Variants in LMBR1 observed in about 807,000 individuals in gnomAD.
LMBR1 encodes the protein limb development membrane protein 1, also known as limb region 1 protein homolog.
LMBR1 carries 52 observed loss-of-function variants against 73.9 expected under a neutral mutation model. That is an observed-to-expected ratio of 0.70 (90% CI 0.56 to 0.89). The LOEUF (loss-of-function observed/expected upper bound fraction) is 0.89. Among genes scored for constraint, LMBR1 ranks in the 40% least tolerant of loss-of-function variants. The pLI, the probability that LMBR1 is intolerant of heterozygous loss-of-function variation, is 0.00. For synonymous variants in LMBR1, 215 were observed against 209.4 expected (o/e 1.03, Z -0.23); for missense variants, 539 against 579.8 (o/e 0.93, Z 0.72).
intron 15 of LMBR1, among the ~76,000 whole-genome samples, chr7:156,690,346 T>C (rs753982524): frequency 6.6e-6 from 1 of 152,222 alleles, no homozygotes; most frequent in African/African-American, 2.4e-5. Flanking sequence ...ACTTACTTTA[T>C]GAATGCAAGG....
chr7:156,813,040 T>A (rs951167960), intron 4 of LMBR1, among the ~76,000 whole-genome samples: 16 of 152,216 alleles, frequency 1.1e-4, no homozygotes, highest in Admixed American at 9.8e-4. Context: ...TCCACCTTAC[T>A]CCACCTTAGC....
intron 1 of LMBR1, among the ~76,000 whole-genome samples, chr7:156,890,541 T>C (rs1413034132): frequency 1.3e-5 from 2 of 152,142 alleles, no homozygotes; most frequent in Non-Finnish European, 2.9e-5. Flanking sequence ...GGGAAAAAAA[T>C]TTGACCCTTC....
In LMBR1 at chr7:156,868,075, G is replaced by A. The variant is rs1436318297; in HGVS notation, c.66+24853C>T. Among the ~76,000 whole-genome samples the A allele has an allele frequency of 9.9e-5, 15 of 152,018 alleles. 1 individual carries two copies. The highest frequency in any genetic ancestry group is 5.9e-5 in the Non-Finnish European group (4 of 68,012). On this transcript the variant is annotated intron_variant, in intron 1 of 16. Coordinates refer to ENST00000353442, the MANE Select transcript of LMBR1 (RefSeq NM_022458.4). The stretch of plus-strand genomic sequence containing the variant: ...AAGTTTTAAAAATGAACCAAGGACT[G>A]TGATTAATGCAATTCTGTGCACCTT...
intron 5 of LMBR1, among the ~76,000 whole-genome samples, chr7:156,779,137 C>G (rs1033129801): frequency 2.6e-5 from 4 of 152,180 alleles, no homozygotes; most frequent in African/African-American, 9.7e-5. Context: ...AATAACTGTA[C>G]TTCCTTCACC....
At chr7:156,870,758 A>C (rs77634122) in intron 1 of LMBR1, among the ~76,000 whole-genome samples, 1 of 148,496 alleles carries the variant, frequency 6.7e-6, no homozygotes, top group South Asian at 2.1e-4. Context: ...CTCTGTCACA[A>C]AAAAAAAAAA....
chr7:156,710,825 A>G (rs907142596), intron 15 of LMBR1, among the ~76,000 whole-genome samples: 3 of 152,240 alleles, frequency 2.0e-5, no homozygotes, highest in African/African-American at 7.2e-5. Context: ...TAAATTTTTC[A>G]GCAGAAACCT....
In LMBR1 at chr7:156,728,016, C is replaced by A. The variant is rs1816109005; in HGVS notation, c.916-9G>T. Reference sequence around the variant, plus strand: ...AAGAGGACCGAGATGGACTACAAGACAAACAGCAAACTGTCAGCTCTCAAG... The same window carrying A: ...AAGAGGACCGAGATGGACTACAAGAAAAACAGCAAACTGTCAGCTCTCAAG... On this transcript the variant is annotated splice_polypyrimidine_tract_variant and intron_variant, in intron 11 of 16. Coordinates refer to ENST00000353442, the MANE Select transcript of LMBR1 (RefSeq NM_022458.4). The A allele has an allele frequency of 6.2e-7, 1 of 1,602,482 alleles. No homozygotes were observed. Among genetic ancestry groups the A allele is most frequent in the African/African-American group, 1.3e-5 (1 of 74,570 alleles).
chr7:156,816,655 T>C (rs778182311), intron 4 of LMBR1, among the ~76,000 whole-genome samples: 17 of 152,148 alleles, frequency 1.1e-4, no homozygotes, highest in Non-Finnish European at 2.4e-4. Context: ...GCTAATCTAA[T>C]ACAATTTGCA....
At chr7:156,791,117 AG>A (rs1829147921) in intron 5 of LMBR1, among the ~76,000 whole-genome samples, 1 of 152,214 alleles carries the variant, frequency 6.6e-6, no homozygotes, top group Admixed American at 6.5e-5. Context: ...AACAATAGTT[AG>A]TGAGATATGG....
At position 156,678,589 on chromosome 7, in the gene LMBR1, A is replaced by C. The variant is rs1177050085; in HGVS notation, c.*5489T>G. On this transcript the variant is annotated 3_prime_UTR_variant, in exon 17 of 17. Coordinates refer to ENST00000353442, the MANE Select transcript of LMBR1 (RefSeq NM_022458.4). ...GCCTCATCAGGTCTCTTCTATAAAA[A>C]CTGGGACACTGACCAAGAAAGAGTG... The C allele has an allele frequency of 6.6e-6, 1 of 152,156 alleles. No homozygotes were observed. 9.4% of individuals were successfully genotyped at this position (152,156 alleles called of 1,614,324 possible). A position where few individuals can be genotyped will look rare whatever the true frequency, so the allele number is the denominator to read the frequency against.
At chr7:156,715,646 C>G (rs540854497) in intron 15 of LMBR1, among the ~76,000 whole-genome samples, 1 of 152,310 alleles carries the variant, frequency 6.6e-6, no homozygotes, top group Non-Finnish European at 1.5e-5. Flanking sequence ...CCCATTCCTC[C>G]TCACCCTAGT....
chr7:156,859,142 A>G (rs1358621940), intron 1 of LMBR1, among the ~76,000 whole-genome samples: 3 of 151,880 alleles, frequency 2.0e-5, no homozygotes, highest in African/African-American at 7.3e-5. Flanking sequence ...AATCCCAGCT[A>G]CTCACTAAGG....
chr7:156,775,135 G>C (rs1286266142), intron 5 of LMBR1, among the ~76,000 whole-genome samples: 4 of 151,904 alleles, frequency 2.6e-5, no homozygotes, highest in Non-Finnish European at 5.9e-5. Context: ...TGGGAAGCCC[G>C]GGTGGGCAGA....
chr7:156,793,085 C>A (rs1019325798), intron 5 of LMBR1, among the ~76,000 whole-genome samples: 1 of 152,202 alleles, frequency 6.6e-6, no homozygotes, highest in Non-Finnish European at 1.5e-5. Context: ...AAGGAATATA[C>A]ATAAATATAT....
intron 4 of LMBR1, among the ~76,000 whole-genome samples, chr7:156,825,726 C>T (rs1835569604): frequency 6.6e-6 from 1 of 152,092 alleles, no homozygotes; most frequent in Admixed American, 6.5e-5. Context: ...TAATAGCTAC[C>T]ACCTATTAAG....
Position 156,680,397 on chromosome 7 carries a change from A to AGTGT in LMBR1, c.*3680_*3681insACAC, listed in dbSNP as rs1338310393. On this transcript the variant is annotated 3_prime_UTR_variant, in exon 17 of 17. Transcript: ENST00000353442. ...GAGACAGAGAGAGAGAGAGAGAGAG[A>AGTGT]GAGAGAGTGTGTGTGTGTGTGTGTG... 7.3e-6 allele frequency: 1 copy of AGTGT among 137,638 alleles called. No homozygotes were observed. The highest frequency in any genetic ancestry group is 1.5e-5 in the Non-Finnish European group (1 of 64,588). The allele number at this position is 137,638 out of a possible 1,614,324, so 8.5% of individuals were successfully genotyped here.
intron 5 of LMBR1, among the ~76,000 whole-genome samples, chr7:156,784,753 T>C (rs1284421471): frequency 2.0e-5 from 3 of 152,196 alleles, no homozygotes; most frequent in Non-Finnish European, 2.9e-5. Flanking sequence ...TTCATCTGCA[T>C]TGCTCTCTAC....
intron 15 of LMBR1, among the ~76,000 whole-genome samples, chr7:156,712,008 A>C (rs1044380935): frequency 5.9e-5 from 9 of 152,212 alleles, no homozygotes; most frequent in Middle Eastern, 3.2e-3. Flanking sequence ...AATGGAACTT[A>C]ATTAAACTAA....
intron 15 of LMBR1, among the ~76,000 whole-genome samples, chr7:156,696,176 C>A (rs1808242675): frequency 6.6e-6 from 1 of 152,176 alleles, no homozygotes; most frequent in African/African-American, 2.4e-5. Flanking sequence ...ATTATGACAT[C>A]AAAAGCACAA....
Sources: allele counts gnomAD v4.1 joint callset (sites outside exome capture counted in the v4.1 genomes callset), GRCh38; gene constraint gnomAD v4.1.1; transcripts MANE v1.5; gene names NCBI Gene and HGNC (gene_info 2026-07-23, HGNC 2026-07-21).